The following PDE6C variants were observed in gnomAD, a reference collection of about 807,000 sequenced individuals.
PDE6C encodes the protein cone cGMP-specific 3',5'-cyclic phosphodiesterase subunit alpha'.
PDE6C carries 75 observed loss-of-function variants against 113.1 expected under a neutral mutation model. That is an observed-to-expected ratio of 0.66 (90% CI 0.55 to 0.80). PDE6C has a LOEUF of 0.80. PDE6C is among the 30% of genes least tolerant of loss of function. The pLI is 0.00. For synonymous variants in PDE6C, 375 were observed against 363.7 expected (o/e 1.03, Z -0.35); for missense variants, 912 against 1,038.6 (o/e 0.88, Z 1.67).
chr10:93,621,582 T>A (rs565321767), intron 3 of PDE6C, among the ~76,000 whole-genome samples: 1 of 152,260 alleles, frequency 6.6e-6, no homozygotes, highest in East Asian at 1.9e-4. Context: ...TCTCTCCACA[T>A]CAGGGCCAGC....
At chr10:93,644,096 T>C (rs1467363258) in intron 14 of PDE6C, among the ~76,000 whole-genome samples, 1 of 152,220 alleles carries the variant, frequency 6.6e-6, no homozygotes. Flanking sequence ...ATTTAACCAC[T>C]TGTTTCCTGA....
chr10:93,622,232 G>A (rs936379737), intron 4 of PDE6C, among the ~76,000 whole-genome samples, 160 bp downstream of exon 4: 1 of 151,932 alleles, frequency 6.6e-6, no homozygotes, highest in African/African-American at 2.4e-5. Context: ...CAAAAAAGAT[G>A]TAGGCTTGAA....
chr10:93,642,886 A>G (rs1397644372), intron 14 of PDE6C, among the ~76,000 whole-genome samples: 1 of 152,208 alleles, frequency 6.6e-6, no homozygotes, highest in Non-Finnish European at 1.5e-5. Flanking sequence ...ATCTCCATCC[A>G]GACTTGAGGC....
intron 15 of PDE6C, among the ~76,000 whole-genome samples, chr10:93,654,749 A>ATTTTCTTTCTTTCT (rs1160411083): frequency 1.6e-5 from 2 of 125,310 alleles, no homozygotes; most frequent in South Asian, 2.7e-4. Flanking sequence ...TTATATACTC[A>ATTTTCTTTCTTTCT]TTTTCTTTCT....
At chr10:93,664,944 T>C (rs547530975) in intron 21 of PDE6C, among the ~76,000 whole-genome samples, 3 of 152,280 alleles carry the variant, frequency 2.0e-5, no homozygotes, top group South Asian at 4.1e-4. Context: ...TCTCAGTTCA[T>C]TGCAACCTGT....
chr10:93,620,174 CT>C (rs2058438486), intron 1 of PDE6C, among the ~76,000 whole-genome samples: 1 of 152,138 alleles, frequency 6.6e-6, no homozygotes, highest in African/African-American at 2.4e-5. Flanking sequence ...ATAATTTTTG[CT>C]TTATGTTATG....
chr10:93,662,516 T>C (rs1382199471), intron 19 of PDE6C, 44 bp from the exon 20 acceptor site: 1 of 813,802 alleles, frequency 1.2e-6, no homozygotes, highest in East Asian at 2.7e-5. Flanking sequence ...GTTTTGTTCA[T>C]ACATCTTAGA....
At chr10:93,618,366 A>T (rs1170019826) in intron 1 of PDE6C, among the ~76,000 whole-genome samples, 1 of 152,084 alleles carries the variant, frequency 6.6e-6, no homozygotes, top group Non-Finnish European at 1.5e-5. Context: ...TGGAAGCATT[A>T]CCCCTATTTT....
chr10:93,661,926 G>C lies in PDE6C; in HGVS notation c.2209-133G>C, dbSNP rs2422324. 173,985 of 718,304 alleles carry C rather than the reference G, an allele frequency of 0.24. 22,974 individuals carry two copies. The highest frequency in any genetic ancestry group is 0.41 in the African/African-American group (23,398 of 56,850). The allele number at this position is 718,304 out of a possible 1,614,324, so 44.5% of individuals were successfully genotyped here. ...ATCTGTAAATGACCTCTTTTTAAAA[G>C]TTAAGAGCATACGGTTTGATAGCAC... On this transcript the variant is annotated intron_variant, in intron 18 of 21. Coordinates refer to ENST00000371447, the MANE Select transcript of PDE6C (RefSeq NM_006204.4).
intron 15 of PDE6C, among the ~76,000 whole-genome samples, chr10:93,654,756 T>TTCTTTCTTTCTTTCTC (rs2058625001): frequency 1.4e-4 from 5 of 35,366 alleles, no homozygotes; most frequent in African/African-American, 5.8e-4. Flanking sequence ...CTCATTTTCT[T>TTCTTTCTTTCTTTCTC]TCTTTCTTTC....
rs990285040 is a variant in PDE6C, at chr10:93,612,830, A to T, written c.105A>T (p.Glu35Asp). 3 of 1,614,034 alleles carry T rather than the reference A, an allele frequency of 1.9e-6. No homozygotes were observed. The highest frequency in any genetic ancestry group is 3.3e-5 in the Admixed American group (2 of 59,996). The change falls in exon 1 of 22, where the codon GAA (glutamate) becomes GAT (aspartate). Residue 35 changes from glutamate (E) to aspartate (D), a missense_variant. Glu to Asp is a conservative substitution (Grantham distance 45, BLOSUM62 2). Coordinates refer to ENST00000371447, the MANE Select transcript of PDE6C (RefSeq NM_006204.4). Reference protein sequence around the residue: ...DRKLRVEVLGEIFKNSQVPVQ... With the variant: ...DRKLRVEVLGDIFKNSQVPVQ... ...AGTTGCGGGTGGAGGTGCTGGGAGA[A>T]ATCTTCAAGAACAGCCAGGTGCCAG...
chr10:93,660,083 A>G (rs538939751), intron 18 of PDE6C, among the ~76,000 whole-genome samples: 1 of 152,304 alleles, frequency 6.6e-6, no homozygotes, highest in East Asian at 1.9e-4. Context: ...CCCAGAATTA[A>G]ATGGGTTTAA....
In PDE6C at chr10:93,637,090, G is replaced by T. The variant is rs1383698248; in HGVS notation, c.1482+27G>T. 17 of 1,240,664 alleles carry T rather than the reference G, an allele frequency of 1.4e-5. No homozygotes were observed. The East Asian group carries it at 3.7e-4, about 27-fold the overall frequency. 76.9% of individuals were successfully genotyped at this position (1,240,664 alleles called of 1,614,324 possible). The stretch of plus-strand genomic sequence containing the variant: ...TAAGTGTTTTCTTTCTAACCTTAAT[G>T]CCTGTTAAATAGAGGCATTATAAAT... On this transcript the variant is annotated intron_variant, in intron 11 of 21. Transcript: ENST00000371447.
In PDE6C at chr10:93,665,849, T is replaced by A. The variant is rs1340683976; in HGVS notation, c.*431T>A. ...TGGTTTCTTGGGAGGCCTCTCAACT[T>A]GGTTTGCAGATGGCCATCTTCTCCC... On this transcript the variant is annotated 3_prime_UTR_variant, in exon 22 of 22. Transcript: ENST00000371447. The A allele has an allele frequency of 3.9e-6, 1 of 253,852 alleles. No homozygotes were observed. The allele number at this position is 253,852 out of a possible 1,614,324, so 15.7% of individuals were successfully genotyped here.
intron 8 of PDE6C, among the ~76,000 whole-genome samples, chr10:93,633,490 A>T (rs551400): frequency 0.034 from 4,334 of 128,652 alleles, 188 homozygotes; most frequent in African/African-American, 0.044. Flanking sequence ...ATAAAAAAAA[A>T]TAAACAAGCT....
chr10:93,663,852 G>A (rs921595899), intron 21 of PDE6C, among the ~76,000 whole-genome samples: 1 of 152,150 alleles, frequency 6.6e-6, no homozygotes, highest in Non-Finnish European at 1.5e-5. Context: ...CATTTTGAAA[G>A]TGGAATGCTA....
chr10:93,665,514 A>T lies in PDE6C; in HGVS notation c.*96A>T. 1.2e-6 allele frequency: 1 copy of T among 855,824 alleles called. No individual in the cohort carries two copies. The highest frequency in any genetic ancestry group is 1.4e-5 in the South Asian group (1 of 72,332). The allele number at this position is 855,824 out of a possible 1,614,324, so 53.0% of individuals were successfully genotyped here. On this transcript the variant is annotated 3_prime_UTR_variant, in exon 22 of 22. Coordinates refer to ENST00000371447, the MANE Select transcript of PDE6C (RefSeq NM_006204.4). ...CTTCAACAAATCATCACGTAACAGGATCTTCAGAAAAACTACCCTGTGACT... is the reference window on the plus strand; with the variant it reads ...CTTCAACAAATCATCACGTAACAGGTTCTTCAGAAAAACTACCCTGTGACT...
At chr10:93,646,850 A>C (rs1445447854) in intron 15 of PDE6C, among the ~76,000 whole-genome samples, 1 of 152,192 alleles carries the variant, frequency 6.6e-6, no homozygotes, top group Non-Finnish European at 1.5e-5. Context: ...GTGGAGACAC[A>C]GATCCAAACT....
intron 3 of PDE6C, 21 bp from the exon 4 acceptor site, chr10:93,621,911 C>T: frequency 6.2e-7 from 1 of 1,610,964 alleles, no homozygotes; most frequent in Non-Finnish European, 8.5e-7. Flanking sequence ...TAACTGTTTT[C>T]TTTTTGATAC....
Sources: allele counts gnomAD v4.1 joint callset (sites outside exome capture counted in the v4.1 genomes callset), GRCh38; gene constraint gnomAD v4.1.1; transcripts MANE v1.5; gene names NCBI Gene and HGNC (gene_info 2026-07-23, HGNC 2026-07-21).